The following CDHR1 variants were observed in gnomAD, a reference collection of about 807,000 sequenced individuals.
The protein encoded by CDHR1 is cadherin-related family member 1.
In CDHR1, 61 loss-of-function variants were observed where a neutral mutation model predicts 72.1. The ratio of observed to expected loss-of-function variants is 0.85; its 90% CI spans 0.69 to 1.05. The LOEUF is 1.05. Among genes scored for constraint, CDHR1 ranks in the 50% least tolerant of loss-of-function variants. The pLI, the probability that CDHR1 is intolerant of heterozygous loss-of-function variation, is 0.00. For synonymous variants in CDHR1, 470 were observed against 448.1 expected (o/e 1.05, Z -0.62); for missense variants, 1,186 against 1,115.7 (o/e 1.06, Z -0.90).
Position 84,213,667 on chromosome 10 carries a change from C to G in CDHR1, c.2040+319C>G, listed in dbSNP as rs139927860. Among the ~76,000 whole-genome samples, 1,107 of 152,190 alleles carry G rather than the reference C, an allele frequency of 7.3e-3. 8 individuals are homozygous for G. Among genetic ancestry groups the G allele is most frequent in the South Asian group, 0.016 (76 of 4,812 alleles). On this transcript the variant is annotated intron_variant, in intron 16 of 16. Coordinates refer to ENST00000623527, the MANE Select transcript of CDHR1 (RefSeq NM_033100.4). ...GTGTAGCTCTCAGCTCAGTGTCTGG[C>G]AGAAAACTAGTCACTTAAGAGACTC...
intron 10 of CDHR1, among the ~76,000 whole-genome samples, chr10:84,207,150 G>T (rs1842240771): frequency 6.6e-6 from 1 of 152,110 alleles, no homozygotes; most frequent in Admixed American, 6.5e-5. Flanking sequence ...CAACCTACAG[G>T]TAGCTGTGGA....
intron 2 of CDHR1, 147 bp from the exon 3 acceptor site, chr10:84,196,358 C>A: frequency 1.2e-6 from 1 of 840,784 alleles, no homozygotes; most frequent in Non-Finnish European, 2.0e-6. Flanking sequence ...GTGAGGCCAG[C>A]AATGAGCACC....
chr10:84,208,584 A>G (rs550525435), intron 11 of CDHR1, 145 bp from the exon 12 acceptor site: 11 of 1,004,516 alleles, frequency 1.1e-5, no homozygotes, highest in African/African-American at 9.6e-5. Flanking sequence ...AGGCACTCAC[A>G]GTCCATTCAC....
chr10:84,212,449 C>T, intron 15 of CDHR1, 42 bp downstream of exon 15: 1 of 1,512,746 alleles, frequency 6.6e-7, no homozygotes. Context: ...AAGCCTGGGT[C>T]CAGCAGCTCC....
intron 7 of CDHR1, among the ~76,000 whole-genome samples, chr10:84,202,541 G>T (rs866228442): frequency 6.6e-6 from 1 of 152,154 alleles, no homozygotes; most frequent in African/African-American, 2.4e-5. Context: ...AGTCAGCCTC[G>T]CCTGCCCATA....
At chr10:84,212,472 G>C in intron 15 of CDHR1, 65 bp downstream of exon 15, 2 of 1,365,428 alleles carry the variant, frequency 1.5e-6, no homozygotes, top group South Asian at 2.3e-5. Context: ...GAGATACTGA[G>C]GCATAAGAAT....
chr10:84,194,872 C>A lies in CDHR1; in HGVS notation c.55+57C>A, dbSNP rs949213488. The A allele has an allele frequency of 3.6e-5, 53 of 1,487,550 alleles. No homozygotes were observed. The Middle Eastern group carries it at 9.6e-4, about 27-fold the overall frequency. 92.1% of individuals were successfully genotyped at this position (1,487,550 alleles called of 1,614,324 possible). A position where few individuals can be genotyped will look rare whatever the true frequency, so the allele number is the denominator to read the frequency against. ...GGATGGCGAGGGAGATGGGCGCTGG[C>A]GTCACCCAGGTGGCCAGAGGGACAT... On this transcript the variant is annotated intron_variant, in intron 1 of 16. Transcript: ENST00000623527.
downstream of CDHR1, chr10:84,219,027 C>T: frequency 1.4e-6 from 1 of 716,332 alleles, no homozygotes; most frequent in South Asian, 2.1e-5. Context: ...CTGTTATTAT[C>T]CCCATTTTAC....
rs11596760 is a variant in CDHR1 at position 84,213,019 on chromosome 10, C to G, written c.1783-72C>G. Reference sequence around the variant, plus strand: ...CATCAACCCAGCAAGCCCCATATGACGTGCTGATTTAGCCAGAGTACACAA... The same window carrying G: ...CATCAACCCAGCAAGCCCCATATGAGGTGCTGATTTAGCCAGAGTACACAA... On this transcript the variant is annotated intron_variant, in intron 15 of 16. Coordinates refer to ENST00000623527, the MANE Select transcript of CDHR1 (RefSeq NM_033100.4). The G allele has an allele frequency of 2.5e-6, 4 of 1,588,116 alleles. No individual in the cohort carries two copies. In the East Asian group the frequency reaches 8.9e-5, roughly 35 times the overall value.
At chr10:84,204,420 C>A (rs1842186227) in intron 8 of CDHR1, 107 bp from the exon 9 acceptor site, 24 of 837,420 alleles carry the variant, frequency 2.9e-5, no homozygotes, top group South Asian at 2.7e-4. Context: ...AGGCCTGACC[C>A]TTTCCTAGGT....
In CDHR1 at chr10:84,194,806, C is replaced by A; in HGVS notation, c.46C>A (p.Leu16Ile). ...CGCCCTGGCCCTGGGGCTGCTGCGC[C>A]TCTGCTTGGGTGAGTGGCCGCTGGG... ...WAALALGLLR[L>I]CLAQANFAPH... is the part of the protein sequence containing the mutation. The change falls in exon 1 of 17, where the codon CTC becomes ATC. Residue 16 changes from leucine (L) to isoleucine (I), a missense_variant. Leu to Ile is a conservative substitution (Grantham distance 5). Coordinates refer to ENST00000623527, the MANE Select transcript of CDHR1 (RefSeq NM_033100.4). 1 of 1,532,718 alleles carries A rather than the reference C, an allele frequency of 6.5e-7. No individual in the cohort carries two copies. The highest frequency in any genetic ancestry group is 8.7e-7 in the Non-Finnish European group (1 of 1,145,938). 94.9% of individuals were successfully genotyped at this position (1,532,718 alleles called of 1,614,324 possible).
intron 3 of CDHR1, among the ~76,000 whole-genome samples, chr10:84,197,226 G>A (rs1329629402): frequency 6.6e-6 from 1 of 152,168 alleles, no homozygotes; most frequent in East Asian, 1.9e-4. Context: ...AAAGGAAAGG[G>A]AGGTCTCAGG....
At chr10:84,211,232 A>G (rs747406188) in intron 13 of CDHR1, 67 bp downstream of exon 13, 32 of 1,547,540 alleles carry the variant, frequency 2.1e-5, no homozygotes, top group Non-Finnish European at 2.8e-5. Context: ...CAAATCTGGA[A>G]GGTCATTGCA....
chr10:84,207,749 C>T (rs1443292921), intron 10 of CDHR1, among the ~76,000 whole-genome samples: 1 of 152,206 alleles, frequency 6.6e-6, no homozygotes, highest in African/African-American at 2.4e-5. Context: ...AGGTCCCTCA[C>T]ATGGTTGCAA....
chr10:84,203,983 G>A (rs1475210147), intron 8 of CDHR1, among the ~76,000 whole-genome samples: 5 of 152,140 alleles, frequency 3.3e-5, no homozygotes, highest in Non-Finnish European at 7.3e-5. Context: ...TTGTGTAGGG[G>A]GGCTTAAGAG....
Position 84,216,146 on chromosome 10 carries a change from A to AAAAGT in CDHR1, c.*1527_*1531dup, listed in dbSNP as rs1228281727. ...AATCTACATGTGTGCACAGAGAGAG[A>AAAAGT]AAAGTAGAACAGTTCTTTGCATTTG... is the stretch of plus-strand genomic sequence containing the variant. On this transcript the variant is annotated 3_prime_UTR_variant, in exon 17 of 17. Transcript: ENST00000623527. The AAAAGT allele has an allele frequency of 1.6e-5, 16 of 985,498 alleles. 1 individual carries two copies. The East Asian group carries it at 1.8e-3, about 112-fold the overall frequency. 61.0% of individuals were successfully genotyped at this position (985,498 alleles called of 1,614,324 possible).
In CDHR1 at chr10:84,213,261, A is replaced by G. The variant is rs755679683; in HGVS notation, c.1953A>G (p.Leu651=). 2 of 1,614,050 alleles carry G rather than the reference A, an allele frequency of 1.2e-6. No homozygotes were observed. The highest frequency in any genetic ancestry group is 2.7e-5 in the African/African-American group (2 of 74,928). ...LHNITPGRDC[L]WSLEVQAKDR... ...ACATCACACCTGGAAGGGACTGCCT[A>G]TGGTCCCTAGAGGTGCAGGCCAAGG... Residue 651 remains leucine (L), a synonymous_variant, in exon 16 of 17, where the codon CTA becomes CTG. Transcript: ENST00000623527.
Position 84,215,357 on chromosome 10 carries a change from A to G in CDHR1, c.*736A>G. 1 of 985,806 alleles carries G rather than the reference A, an allele frequency of 1.0e-6. No individual in the cohort carries two copies. Among genetic ancestry groups the G allele is most frequent in the Non-Finnish European group, 1.2e-6 (1 of 830,264 alleles). The allele number at this position is 985,806 out of a possible 1,614,324, so 61.1% of individuals were successfully genotyped here. A position where few individuals can be genotyped will look rare whatever the true frequency, so the allele number is the denominator to read the frequency against. On this transcript the variant is annotated 3_prime_UTR_variant, in exon 17 of 17. Coordinates refer to ENST00000623527, the MANE Select transcript of CDHR1 (RefSeq NM_033100.4). ...GGACTGCCCTGAGCCGCAAAATGTC[A>G]AAGCTGGAGCTATAGAGGTAGCCCT...
chr10:84,216,238 G>A lies in CDHR1; in HGVS notation c.*1617G>A. 5 of 985,488 alleles carry A rather than the reference G, an allele frequency of 5.1e-6. No individual in the cohort carries two copies. The highest frequency in any genetic ancestry group is 3.6e-6 in the Non-Finnish European group (3 of 829,968). The allele number at this position is 985,488 out of a possible 1,614,324, so 61.0% of individuals were successfully genotyped here. A position where few individuals can be genotyped will look rare whatever the true frequency, so the allele number is the denominator to read the frequency against. On this transcript the variant is annotated 3_prime_UTR_variant, in exon 17 of 17. Transcript: ENST00000623527. ...TCATTTAAAGAGATTGTATGCATTTGTGGCTTTCCTGATTTCTGAGTCTGT... is the reference window on the plus strand; with the variant it reads ...TCATTTAAAGAGATTGTATGCATTTATGGCTTTCCTGATTTCTGAGTCTGT...
Sources: gnomAD v4.1 joint callset for allele counts (sites outside exome capture counted in the v4.1 genomes callset) on GRCh38, gnomAD v4.1.1 for gene constraint, MANE v1.5 for transcripts, NCBI Gene and HGNC (gene_info 2026-07-23, HGNC 2026-07-21) for gene names.